GALNT17: variants seen among roughly 807,000 people sequenced by gnomAD.
GALNT17 encodes UDP-GalNAc:polypeptide N-acetylgalactosaminyltransferase-like 3.
In GALNT17, 29 loss-of-function variants were observed where a neutral mutation model predicts 63.7. That is an observed-to-expected ratio of 0.46 (90% CI 0.34 to 0.62). GALNT17 has a LOEUF of 0.62. Ranked by LOEUF, GALNT17 falls within the 20% of genes least tolerant of loss-of-function variation. GALNT17 has a pLI of 0.01. For missense variants in GALNT17, 603 were observed against 799.6 expected (o/e 0.75, Z 2.97); for synonymous variants, 305 against 318.3 (o/e 0.96, Z 0.45).
At chr7:71,294,919 TC>T (rs1434597141) in intron 1 of GALNT17, among the ~76,000 whole-genome samples, 1 of 152,186 alleles carries the variant, frequency 6.6e-6, no homozygotes, top group Non-Finnish European at 1.5e-5. Flanking sequence ...ATCCCCTCTC[TC>T]CTGATGCTGC....
At chr7:71,234,003 A>G (rs1228513301) in intron 1 of GALNT17, among the ~76,000 whole-genome samples, 2 of 152,156 alleles carry the variant, frequency 1.3e-5, no homozygotes, top group African/African-American at 2.4e-5. Flanking sequence ...ACTCACTATC[A>G]TGAGAACAGC....
At chr7:71,193,972 C>T (rs1386555145) in intron 1 of GALNT17, among the ~76,000 whole-genome samples, 2 of 152,290 alleles carry the variant, frequency 1.3e-5, no homozygotes, top group East Asian at 3.9e-4. Flanking sequence ...ATCAAGCATT[C>T]TTGTATTCAC....
At chr7:71,407,391 G>T (rs895291211) in intron 3 of GALNT17, among the ~76,000 whole-genome samples, 1 of 152,170 alleles carries the variant, frequency 6.6e-6, no homozygotes, top group African/African-American at 2.4e-5. Flanking sequence ...CAGCATGGGG[G>T]TTGGAAGAAC....
intron 6 of GALNT17, among the ~76,000 whole-genome samples, chr7:71,585,575 C>G (rs756073095): frequency 2.8e-4 from 42 of 152,070 alleles, no homozygotes; most frequent in Non-Finnish European, 5.4e-4. Flanking sequence ...ATAGCACCCT[C>G]TTAAGATGAC....
intron 9 of GALNT17, among the ~76,000 whole-genome samples, chr7:71,703,493 A>G (rs996393535): frequency 2.0e-5 from 3 of 152,228 alleles, no homozygotes; most frequent in Non-Finnish European, 2.9e-5. Flanking sequence ...TAAACCATTC[A>G]TAAGGGATAT....
chr7:71,674,435 TC>T (rs1456380586), intron 8 of GALNT17, among the ~76,000 whole-genome samples: 1 of 151,468 alleles, frequency 6.6e-6, no homozygotes, highest in East Asian at 1.9e-4. Flanking sequence ...AGCCAAGAAC[TC>T]CTCTGCTCAA....
intron 1 of GALNT17, among the ~76,000 whole-genome samples, chr7:71,197,028 A>C (rs946630964): frequency 6.6e-6 from 1 of 151,862 alleles, no homozygotes; most frequent in East Asian, 1.9e-4. Context: ...AGTACATGAG[A>C]TACTTTGATT....
At chr7:71,424,014 G>A (rs1786713243) in intron 5 of GALNT17, among the ~76,000 whole-genome samples, 1 of 152,184 alleles carries the variant, frequency 6.6e-6, no homozygotes, top group Non-Finnish European at 1.5e-5. Context: ...TAGAGCATGG[G>A]CAAATTTGTA....
intron 1 of GALNT17, among the ~76,000 whole-genome samples, chr7:71,269,291 C>A (rs6968653): frequency 0.012 from 1,758 of 152,102 alleles, 50 homozygotes; most frequent in African/African-American, 0.041. Flanking sequence ...ATAGTGAGAC[C>A]CTATCTCTAC....
chr7:71,388,398 G>C lies in GALNT17; in HGVS notation c.586G>C (p.Glu196Gln). ...CATTCTGGTGGATGACAACAGCGAC[G>C]AAGGTACAGGGGTGGCTGACCTGTG... is the stretch of plus-strand genomic sequence containing the variant. ...EIILVDDNSDEEELKVPLEEY... is the reference protein window; with the variant it reads ...EIILVDDNSDQEELKVPLEEY... Residue 196 changes from glutamate to glutamine, a missense_variant, in exon 3 of 11, where the codon GAA (glutamate) becomes CAA (glutamine). Physicochemically the swap from Glu to Gln is conservative, Grantham distance 29. Transcript: ENST00000333538. The C allele has an allele frequency of 6.2e-7, 1 of 1,613,810 alleles. No homozygotes were observed. The highest frequency in any genetic ancestry group is 8.5e-7 in the Non-Finnish European group (1 of 1,179,842).
At chr7:71,632,013 G>T (rs1401023336) in intron 6 of GALNT17, among the ~76,000 whole-genome samples, 1 of 151,912 alleles carries the variant, frequency 6.6e-6, no homozygotes. Context: ...CACCCAAAAT[G>T]CTGGGATGAC....
At chr7:71,199,427 A>G (rs1789120161) in intron 1 of GALNT17, among the ~76,000 whole-genome samples, 1 of 151,800 alleles carries the variant, frequency 6.6e-6, no homozygotes. Flanking sequence ...CCACTGGCCC[A>G]CTCACCTACT....
chr7:71,236,135 C>T (rs186511516), intron 1 of GALNT17, among the ~76,000 whole-genome samples: 246 of 151,680 alleles, frequency 1.6e-3, no homozygotes, highest in Non-Finnish European at 2.9e-3. Flanking sequence ...GAGCTGAGAT[C>T]GCGCCACTGC....
At chr7:71,674,579 A>C (rs1430970729) in intron 8 of GALNT17, among the ~76,000 whole-genome samples, 1 of 151,930 alleles carries the variant, frequency 6.6e-6, no homozygotes, top group African/African-American at 2.4e-5. Flanking sequence ...CCAGTGGCGC[A>C]ATCTCAGCTC....
chr7:71,638,220 C>T (rs1790555256), intron 6 of GALNT17, among the ~76,000 whole-genome samples: 1 of 152,214 alleles, frequency 6.6e-6, no homozygotes, highest in African/African-American at 2.4e-5. Context: ...AGGTCACTCT[C>T]ATCACCATCT....
chr7:71,204,933 A>G (rs1789242884), intron 1 of GALNT17, among the ~76,000 whole-genome samples: 2 of 151,692 alleles, frequency 1.3e-5, no homozygotes, highest in South Asian at 4.2e-4. Context: ...TTTAGTAGAG[A>G]CGGGGTTTCA....
At chr7:71,245,950 A>C (rs932989873) in intron 1 of GALNT17, among the ~76,000 whole-genome samples, 11 of 150,288 alleles carry the variant, frequency 7.3e-5, no homozygotes, top group Admixed American at 1.3e-4. Context: ...TCAGAATCAC[A>C]CCTTTGGAAA....
intron 6 of GALNT17, among the ~76,000 whole-genome samples, chr7:71,661,985 G>A (rs1380080421): frequency 6.6e-6 from 1 of 152,074 alleles, no homozygotes; most frequent in Admixed American, 6.5e-5. Flanking sequence ...CCAACATATG[G>A]CTCCTCCATC....
intron 6 of GALNT17, among the ~76,000 whole-genome samples, chr7:71,613,986 A>G (rs1198428588): frequency 2.0e-5 from 3 of 152,014 alleles, no homozygotes; most frequent in African/African-American, 4.8e-5. Context: ...CATAACATGG[A>G]GAGTCAAGAA....
Sources: allele counts gnomAD v4.1 joint callset (sites outside exome capture counted in the v4.1 genomes callset), GRCh38; gene constraint gnomAD v4.1.1; transcripts MANE v1.5; gene names NCBI Gene and HGNC (gene_info 2026-07-23, HGNC 2026-07-21).